TEX15: variants seen among roughly 807,000 people sequenced by gnomAD.
The protein encoded by TEX15 is testis expressed 15, meiosis and synapsis associated.
TEX15 carries 171 observed loss-of-function variants against 237.3 expected under a neutral mutation model. The ratio of observed to expected loss-of-function variants is 0.72; its 90% CI spans 0.64 to 0.82. The LOEUF (loss-of-function observed/expected upper bound fraction) is 0.82, where lower values mean the gene tolerates loss of function less well. Ranked by LOEUF, TEX15 falls within the 40% of genes least tolerant of loss-of-function variation. The pLI, the probability that TEX15 is intolerant of heterozygous loss-of-function variation, is 0.00. For synonymous variants in TEX15, 1,338 were observed against 1,269.8 expected, an observed-to-expected ratio of 1.05 and a Z score of -1.14; for missense variants, 3,750 against 3,646.5, an observed-to-expected ratio of 1.03 and a Z score of -0.73.
At chr8:30,883,371 T>C (rs1808575659) in intron 3 of TEX15, among the ~76,000 whole-genome samples, 1 of 151,124 alleles carries the variant, frequency 6.6e-6, no homozygotes, top group South Asian at 2.1e-4. Context: ...AGTATTTTCT[T>C]TTTTTTTTAA....
intron 3 of TEX15, among the ~76,000 whole-genome samples, chr8:30,885,453 A>G (rs1468991389): frequency 6.6e-6 from 1 of 152,054 alleles, no homozygotes. Context: ...TTCTGCCATG[A>G]TTGTGAGGCT....
At position 30,833,305 on chromosome 8, in the gene TEX15, G is replaced by A; in HGVS notation, c.9500C>T (p.Ser3167Phe). Residue 3167 changes from serine to phenylalanine, a missense_variant, in exon 11 of 11, where the codon TCC (serine) becomes TTC (phenylalanine). Ser to Phe is a radical substitution (Grantham distance 155). Coordinates refer to ENST00000643185, the MANE Select transcript of TEX15 (RefSeq NM_001350162.2). ...PWVYAPWHQE[S>F]FHPGH ...CTATTTTCAGTGTCCTGGATGAAAGGATTCTTGGTGCCATGGAGCTGGAAG... is the reference window on the plus strand; with the variant it reads ...CTATTTTCAGTGTCCTGGATGAAAGAATTCTTGGTGCCATGGAGCTGGAAG... 1 of 1,595,868 alleles carries A rather than the reference G, an allele frequency of 6.3e-7. No individual in the cohort carries two copies. Among genetic ancestry groups the A allele is most frequent in the Non-Finnish European group, 8.5e-7 (1 of 1,171,500 alleles).
intron 9 of TEX15, among the ~76,000 whole-genome samples, chr8:30,838,697 TACACACAC>T (rs3078152): frequency 1.5e-5 from 2 of 134,928 alleles, no homozygotes; most frequent in Non-Finnish European, 3.1e-5. Flanking sequence ...ATTATATATA[TACACACAC>T]ACACACACAC....
chr8:30,850,874 A>T (rs1235594954), intron 7 of TEX15, among the ~76,000 whole-genome samples: 1 of 152,204 alleles, frequency 6.6e-6, no homozygotes, highest in Non-Finnish European at 1.5e-5. Flanking sequence ...AAGGAAAAAA[A>T]TAGGTAAAAT....
Position 30,875,055 on chromosome 8 carries a change from G to A in TEX15, c.184C>T (p.His62Tyr). 3.0e-6 allele frequency: 4 copies of A among 1,316,280 alleles called. No individual in the cohort carries two copies. Among genetic ancestry groups the A allele is most frequent in the Non-Finnish European group, 3.9e-6 (4 of 1,029,850 alleles). 81.5% of individuals were successfully genotyped at this position (1,316,280 alleles called of 1,614,324 possible). ...AGCCTGCACTGGTTAAGAGTATCAT[G>A]TATAAAACTATACTCTCTACTATTG... ...YTNSREYSFI[H>Y]DTLNQCRLDV... is the part of the protein sequence containing the mutation. The change falls in exon 4 of 11, where the codon CAT (histidine) becomes TAT (tyrosine). Residue 62 changes from histidine to tyrosine, a missense_variant. His to Tyr is a moderately conservative substitution (Grantham distance 83). Transcript: ENST00000643185.
chr8:30,906,182 T>C (rs1424745252), intron 1 of TEX15, among the ~76,000 whole-genome samples: 1 of 152,226 alleles, frequency 6.6e-6, no homozygotes, highest in African/African-American at 2.4e-5. Flanking sequence ...AGAGGCATAA[T>C]ATTTTAATCC....
intron 3 of TEX15, among the ~76,000 whole-genome samples, chr8:30,884,586 G>C (rs559657137): frequency 3.3e-5 from 5 of 152,198 alleles, no homozygotes; most frequent in Admixed American, 6.5e-5. Context: ...TCAAGGAATT[G>C]GTACATTTCA....
At chr8:30,836,205 GTTTTTTTT>G (rs33984716) in intron 10 of TEX15, among the ~76,000 whole-genome samples, 52 of 43,272 alleles carry the variant, frequency 1.2e-3, no homozygotes, top group African/African-American at 3.7e-3. Context: ...TCACTGTATC[GTTTTTTTT>G]TTTTTTTTTT....
At chr8:30,908,099 T>C (rs2128780308) in intron 1 of TEX15, among the ~76,000 whole-genome samples, 2 of 152,136 alleles carry the variant, frequency 1.3e-5, no homozygotes, top group Middle Eastern at 6.8e-3. Flanking sequence ...AATACTTAAA[T>C]TTTTTGTAGA....
intron 3 of TEX15, among the ~76,000 whole-genome samples, chr8:30,884,829 C>A (rs1176853150): frequency 1.3e-5 from 2 of 151,686 alleles, no homozygotes; most frequent in Non-Finnish European, 2.9e-5. Flanking sequence ...TAATTTCATT[C>A]ATTTCTGCTC....
At chr8:30,885,566 C>A (rs1808629610) in intron 3 of TEX15, among the ~76,000 whole-genome samples, 1 of 152,150 alleles carries the variant, frequency 6.6e-6, no homozygotes, top group Non-Finnish European at 1.5e-5. Flanking sequence ...TGGATTAATA[C>A]ATGGTCTGAG....
In TEX15 at chr8:30,844,464, A is replaced by G; in HGVS notation, c.5703T>C (p.Thr1901=). The part of the protein sequence containing the change: ...TTNLIDSHLS[T]KNTTTESVPL... ...GGACTGACTCAGTGGTAGTATTTTT[A>G]GTGCTCAGATGGGAATCAATCAAGT... Residue 1901 remains threonine, a synonymous_variant, in exon 8 of 11, where the codon ACT becomes ACC. Transcript: ENST00000643185. 1 of 1,613,308 alleles carries G rather than the reference A, an allele frequency of 6.2e-7. No homozygotes were observed. The highest frequency in any genetic ancestry group is 8.5e-7 in the Non-Finnish European group (1 of 1,179,590).
chr8:30,887,899 T>G (rs1257036652), intron 2 of TEX15: 1 of 47,834 alleles, frequency 2.1e-5, no homozygotes, highest in East Asian at 2.9e-4. Context: ...CATATATATA[T>G]ATATATATAT....
chr8:30,906,528 T>C (rs1809106031), intron 1 of TEX15, among the ~76,000 whole-genome samples: 9 of 150,334 alleles, frequency 6.0e-5, no homozygotes, highest in Admixed American at 6.0e-4. Context: ...AGGCGGAGCT[T>C]GTGGTGAGCC....
rs759686145 is a variant in TEX15 at position 30,842,999 on chromosome 8, G to A, written c.7168C>T (p.Leu2390Phe). The change falls in exon 8 of 11, where the codon CTC becomes TTC. Residue 2390 changes from leucine (L) to phenylalanine (F), a missense_variant. Leu to Phe is a conservative substitution (Grantham distance 22). Coordinates refer to ENST00000643185, the MANE Select transcript of TEX15 (RefSeq NM_001350162.2). ...AAGTGATCTGTACATCTCAAGGTGA[G>A]ATCCTGTAATTTTTTAAGGTCTGCA... ...EFADLKKLQD[L>F]TLRCTDHLEI... The A allele has an allele frequency of 1.9e-6, 3 of 1,613,338 alleles. No homozygotes were observed.
At chr8:30,861,939 T>C (rs927510609) in intron 5 of TEX15, among the ~76,000 whole-genome samples, 1 of 152,060 alleles carries the variant, frequency 6.6e-6, no homozygotes, top group Non-Finnish European at 1.5e-5. Flanking sequence ...TCAGGAGTAA[T>C]CATAATGAAG....
chr8:30,886,775 T>C (rs1309422722), intron 3 of TEX15: 1 of 154,892 alleles, frequency 6.5e-6, no homozygotes, highest in African/African-American at 2.4e-5. Context: ...CTTGGGGCTT[T>C]TGGGGGAGGT....
chr8:30,833,433 C>T (rs1807224641), intron 10 of TEX15, 110 bp from the exon 11 acceptor site: 1 of 749,516 alleles, frequency 1.3e-6, no homozygotes, highest in East Asian at 2.9e-5. Flanking sequence ...GATCAAAGTG[C>T]TTATTTGCCC....
intron 2 of TEX15, among the ~76,000 whole-genome samples, chr8:30,895,676 C>CTTTTTTTTTTTTTTTTTTTTTT (rs34002027): frequency 6.7e-5 from 4 of 60,060 alleles, no homozygotes; most frequent in Admixed American, 2.9e-4. Context: ...TAAACACATG[C>CTTTTTTTTTTTTTTTTTTTTTT]TTTTTTTTTT....
Sources: gnomAD v4.1 joint callset for allele counts (sites outside exome capture counted in the v4.1 genomes callset) on GRCh38, gnomAD v4.1.1 for gene constraint, MANE v1.5 for transcripts, NCBI Gene and HGNC (gene_info 2026-07-23, HGNC 2026-07-21) for gene names.